Variants in TADA2A observed in about 807,000 individuals in gnomAD.
TADA2A encodes transcriptional adaptor 2A, also known as transcriptional adapter 2-alpha.
A neutral mutation model predicts 67.4 loss-of-function variants in TADA2A; 38 were observed. The observed-to-expected ratio is 0.56, with a 90% CI of 0.44 to 0.74. The LOEUF (loss-of-function observed/expected upper bound fraction) is 0.74. Among genes scored for constraint, TADA2A ranks in the 30% least tolerant of loss-of-function variants. The pLI is 0.00. For missense variants in TADA2A, 454 were observed against 547.0 expected (o/e 0.83, Z 1.70); for synonymous variants, 192 against 181.6 (o/e 1.06, Z -0.46).
rs1448997917 is a variant in TADA2A at position 37,479,474 on chromosome 17, C to A, written c.*2492C>A. On this transcript the variant is annotated 3_prime_UTR_variant, in exon 16 of 16. Transcript: ENST00000615182. ...TAGGATTATTATTTCTTTGGTATACCGAACTTTGCAAAGATACGTAGCATT... is the reference window on the plus strand; with the variant it reads ...TAGGATTATTATTTCTTTGGTATACAGAACTTTGCAAAGATACGTAGCATT... The A allele has an allele frequency of 1.3e-5, 2 of 152,008 alleles. No individual in the cohort carries two copies. Among genetic ancestry groups the A allele is most frequent in the African/African-American group, 4.8e-5 (2 of 41,370 alleles). The allele number at this position is 152,008 out of a possible 1,614,324, so 9.4% of individuals were successfully genotyped here.
intron 8 of TADA2A, among the ~76,000 whole-genome samples, chr17:37,453,944 G>C (rs1366143092): frequency 1.3e-5 from 2 of 151,328 alleles, no homozygotes; most frequent in Non-Finnish European, 3.0e-5. Context: ...CTAATTTTTT[G>C]TATTTTTTAG....
chr17:37,418,796 C>G lies in TADA2A; in HGVS notation c.26-4713C>G, dbSNP rs9915905. On this transcript the variant is annotated intron_variant, in intron 2 of 15. Coordinates refer to ENST00000615182, the MANE Select transcript of TADA2A (RefSeq NM_001166105.3). ...TAGAGGTGGGGTTTCACCATGTTGGCCAGTCTGGTCTTAAACCCCTAACCT... is the reference window on the plus strand; with the variant it reads ...TAGAGGTGGGGTTTCACCATGTTGGGCAGTCTGGTCTTAAACCCCTAACCT... 7.6e-3 allele frequency among the ~76,000 whole-genome samples: 1,153 copies of G among 152,076 alleles called. 18 individuals are homozygous for G. The highest frequency in any genetic ancestry group is 0.026 in the African/African-American group (1,092 of 41,502).
intron 2 of TADA2A, among the ~76,000 whole-genome samples, chr17:37,423,003 C>A (rs2052292138): frequency 6.6e-6 from 1 of 152,126 alleles, no homozygotes; most frequent in Non-Finnish European, 1.5e-5. Context: ...CTTTGAGAGG[C>A]CAAGGCAGGA....
chr17:37,424,476 T>C (rs1449914438), intron 3 of TADA2A, among the ~76,000 whole-genome samples: 1 of 149,616 alleles, frequency 6.7e-6, no homozygotes, highest in Non-Finnish European at 1.5e-5. Context: ...GCCTCGCAGA[T>C]TGCACTCCAG....
Position 37,423,510 on chromosome 17 carries a change from T to A in TADA2A, c.27T>A (p.Asn9Lys), listed in dbSNP as rs777684288. Residue 9 changes from asparagine (N) to lysine (K), a missense_variant and splice_region_variant, in exon 3 of 16, where the codon AAT becomes AAA. Asn to Lys is a moderately conservative substitution (Grantham distance 94). Transcript: ENST00000615182. MDRLGSFS[N>K]DPSDKPPCRG... ...GCATTTGTTTTCTGTTTGTTCTAGA[T>A]GATCCCTCTGATAAGCCACCTTGCC... 1.7e-5 allele frequency: 27 copies of A among 1,608,614 alleles called. No individual in the cohort carries two copies. The East Asian group carries it at 6.0e-4, about 36-fold the overall frequency.
chr17:37,438,118 T>C (rs181151526), intron 5 of TADA2A: 1 of 258,346 alleles, frequency 3.9e-6, no homozygotes, highest in East Asian at 7.7e-5. Flanking sequence ...AGTAGGGAAG[T>C]TTAGTTTCGT....
chr17:37,442,541 A>C, intron 6 of TADA2A, 23 bp from the exon 7 acceptor site: 1 of 1,601,376 alleles, frequency 6.2e-7, no homozygotes, highest in Admixed American at 1.7e-5. Flanking sequence ...TAGTTAACTC[A>C]GAAACCTTCT....
intron 9 of TADA2A, among the ~76,000 whole-genome samples, chr17:37,461,362 ACT>A (rs1317833474): frequency 6.6e-6 from 1 of 152,092 alleles, no homozygotes; most frequent in Non-Finnish European, 1.5e-5. Context: ...AGTAAAACTT[ACT>A]CTCTGCATGT....
chr17:37,428,316 T>A (rs1030950849), intron 4 of TADA2A, among the ~76,000 whole-genome samples: 14 of 152,284 alleles, frequency 9.2e-5, no homozygotes, highest in Admixed American at 3.9e-4. Flanking sequence ...CTGGAGGCCC[T>A]GGGGTAGAAT....
intron 4 of TADA2A, among the ~76,000 whole-genome samples, chr17:37,436,653 C>T (rs2052735905): frequency 6.6e-6 from 1 of 151,964 alleles, no homozygotes; most frequent in South Asian, 2.1e-4. Context: ...GCCACTGAGG[C>T]CAGCCTAAAG....
intron 14 of TADA2A, among the ~76,000 whole-genome samples, chr17:37,474,305 T>A (rs1045566464): frequency 4.6e-5 from 7 of 152,186 alleles, no homozygotes; most frequent in African/African-American, 1.7e-4. Context: ...CTAAGGTATG[T>A]GTGACTGTAT....
chr17:37,423,601 T>G lies in TADA2A; in HGVS notation c.118T>G (p.Phe40Val). Residue 40 changes from phenylalanine to valine, a missense_variant, in exon 3 of 16, where the codon TTC becomes GTC. Around this residue, in one of 2 missense-constraint regions of TADA2A, gnomAD observed 403 missense variants for 455.5 expected, o/e 0.88. Transcript: ENST00000615182. ...KCAECGPPPF[F>V]LCLQCFTRGF... ...TGCTGAATGTGGGCCACCTCCTTTT[T>G]TCCTCTGCTTGCAGGTAACTCACTA... 6.2e-7 allele frequency: 1 copy of G among 1,612,512 alleles called. No homozygotes were observed. Among genetic ancestry groups the G allele is most frequent in the South Asian group, 1.1e-5 (1 of 90,546 alleles).
At chr17:37,410,580 GAGTTTATTAA>G (rs1038701036) in intron 1 of TADA2A, among the ~76,000 whole-genome samples, 1 of 152,120 alleles carries the variant, frequency 6.6e-6, no homozygotes, top group African/African-American at 2.4e-5. Flanking sequence ...GATTAAAGTT[GAGTTTATTAA>G]AGTTTATTAA....
intron 8 of TADA2A, among the ~76,000 whole-genome samples, chr17:37,456,638 G>T (rs996867330): frequency 3.3e-5 from 5 of 152,220 alleles, no homozygotes; most frequent in Non-Finnish European, 5.9e-5. Context: ...AGTTTTAGAG[G>T]ATAGGAAAGG....
intron 2 of TADA2A, among the ~76,000 whole-genome samples, chr17:37,412,666 C>G (rs1248852490): frequency 6.6e-6 from 1 of 151,808 alleles, no homozygotes; most frequent in African/African-American, 2.4e-5. Context: ...TAACTATAAT[C>G]CCAGCTACAC....
chr17:37,473,129 T>TTC (rs1219105617), intron 14 of TADA2A, among the ~76,000 whole-genome samples: 2 of 138,812 alleles, frequency 1.4e-5, no homozygotes, highest in Admixed American at 1.4e-4. Flanking sequence ...CTGGAGAAAT[T>TTC]TTTTTTTTTT....
rs753498929 is a variant in TADA2A, at chr17:37,437,765, A to C, written c.220A>C (p.Ser74Arg). The change falls in exon 5 of 16, where the codon AGC (serine) becomes CGC (arginine). Residue 74 changes from serine (S) to arginine (R), a missense_variant. Physicochemically the swap from Ser to Arg is moderately radical, Grantham distance 110. Transcript: ENST00000615182. ...TTCAGATTTTCCTGTCCTTGATCCCAGCTGGACTGCTCAAGAAGAAATGGC... is the reference window on the plus strand; with the variant it reads ...TTCAGATTTTCCTGTCCTTGATCCCCGCTGGACTGCTCAAGAAGAAATGGC... ...MTSDFPVLDP[S>R]WTAQEEMALL... is the part of the protein sequence containing the mutation. 6.2e-7 allele frequency: 1 copy of C among 1,614,176 alleles called. No individual in the cohort carries two copies. Among genetic ancestry groups the C allele is most frequent in the Non-Finnish European group, 8.5e-7 (1 of 1,180,034 alleles).
chr17:37,442,383 T>G (rs2052947029), intron 6 of TADA2A, among the ~76,000 whole-genome samples, 181 bp from the exon 7 acceptor site: 1 of 152,134 alleles, frequency 6.6e-6, no homozygotes. Flanking sequence ...CCATATTTAC[T>G]TAAAGGATTG....
chr17:37,428,812 C>T (rs905019842), intron 4 of TADA2A, among the ~76,000 whole-genome samples: 6 of 152,110 alleles, frequency 3.9e-5, no homozygotes, highest in East Asian at 1.9e-4. Context: ...TTTGGGAGGC[C>T]GAGGCGGGTG....
Sources: allele counts gnomAD v4.1 joint callset (sites outside exome capture counted in the v4.1 genomes callset), GRCh38; gene constraint gnomAD v4.1.1; regional missense constraint gnomAD v4.1.1; transcripts MANE v1.5; gene names NCBI Gene and HGNC (gene_info 2026-07-23, HGNC 2026-07-21).